LTO1: variants seen among roughly 807,000 people sequenced by gnomAD.
LTO1 encodes LTO1 maturation factor of ABCE1, also known as protein LTO1 homolog.
Under a neutral mutation model 19.8 loss-of-function variants are expected in LTO1, and 18 were observed. The ratio of observed to expected loss-of-function variants is 0.91; its 90% CI spans 0.63 to 1.35. The LOEUF is 1.35. Ranked by LOEUF, LTO1 falls within the 40% of genes most tolerant of loss-of-function variation. The pLI is 0.00. For synonymous variants in LTO1, 59 were observed against 59.6 expected (o/e 0.99, Z 0.05); for missense variants, 175 against 167.9 (o/e 1.04, Z -0.23).
chr11:69,672,053 G>A (rs1349006614), intron 2 of LTO1: 1 of 501,418 alleles, frequency 2.0e-6, no homozygotes. Context: ...GCCCTGTGCA[G>A]GTCCCTCGAC....
intron 1 of LTO1, among the ~76,000 whole-genome samples, chr11:69,674,334 C>T (rs1312997126): frequency 6.6e-6 from 1 of 152,202 alleles, no homozygotes; most frequent in Non-Finnish European, 1.5e-5. Flanking sequence ...CAGATCACCA[C>T]AAAATGTTCT....
chr11:69,667,400 A>C lies in LTO1; in HGVS notation c.*119T>G. On this transcript the variant is annotated 3_prime_UTR_variant, in exon 5 of 5. Coordinates refer to ENST00000279147, the MANE Select transcript of LTO1 (RefSeq NM_153451.3). ...GAAGCCCTCCCACGGCCGAACCGGA[A>C]CCCTCACCCTCCCAATGAACAACTG... is the stretch of plus-strand genomic sequence containing the variant. 29 of 714,910 alleles carry C rather than the reference A, an allele frequency of 4.1e-5. No homozygotes were observed. Among genetic ancestry groups the C allele is most frequent in the Non-Finnish European group, 4.3e-5 (17 of 399,832 alleles). The allele number at this position is 714,910 out of a possible 1,614,324, so 44.3% of individuals were successfully genotyped here.
intron 2 of LTO1, chr11:69,673,004 G>A: frequency 1.7e-6 from 1 of 601,792 alleles, no homozygotes; most frequent in South Asian, 1.6e-5. Context: ...GTTTCACCAT[G>A]TTGGTCAGGC....
At position 69,667,255 on chromosome 11, in the gene LTO1, G is replaced by A. The variant is rs1033595536; in HGVS notation, c.*264C>T. ...AACCAGCTAGGCCTGTGCTGCCGGAGAGGCTGTCAAGTCAATGCACGAGGG... is the reference window on the plus strand; with the variant it reads ...AACCAGCTAGGCCTGTGCTGCCGGAAAGGCTGTCAAGTCAATGCACGAGGG... On this transcript the variant is annotated 3_prime_UTR_variant, in exon 5 of 5. Coordinates refer to ENST00000279147, the MANE Select transcript of LTO1 (RefSeq NM_153451.3). The A allele has an allele frequency of 7.8e-6, 4 of 512,812 alleles. No individual in the cohort carries two copies. Among genetic ancestry groups the A allele is most frequent in the Non-Finnish European group, 1.4e-5 (4 of 290,912 alleles). The allele number at this position is 512,812 out of a possible 1,614,324, so 31.8% of individuals were successfully genotyped here. A position where few individuals can be genotyped will look rare whatever the true frequency, so the allele number is the denominator to read the frequency against.
intron 3 of LTO1, 131 bp downstream of exon 3, chr11:69,671,618 T>C: frequency 1.5e-6 from 1 of 681,420 alleles, no homozygotes; most frequent in Non-Finnish European, 2.7e-6. Flanking sequence ...ACACTCAAGC[T>C]TGACACTGAT....
chr11:69,669,102 C>T (rs115947422), intron 3 of LTO1, among the ~76,000 whole-genome samples: 2,114 of 151,480 alleles, frequency 0.014, 48 homozygotes, highest in African/African-American at 0.048. Context: ...ATGTTAGTCT[C>T]TTGGTCTCTT....
intron 3 of LTO1, chr11:69,671,240 T>C (rs1185111867): frequency 6.5e-6 from 1 of 154,448 alleles, no homozygotes; most frequent in East Asian, 1.9e-4. Context: ...AAATGACAGC[T>C]AACACTTACT....
In LTO1 at chr11:69,666,376, T is replaced by C. The variant is rs1215799973; in HGVS notation, c.*1143A>G. ...GACATGCTTTCTGGAACAGGAGGGG[T>C]GTGGAGAGCCAGCGTGTGGGGACTT... On this transcript the variant is annotated 3_prime_UTR_variant, in exon 5 of 5. Transcript: ENST00000279147. 1 of 152,046 alleles carries C rather than the reference T, an allele frequency of 6.6e-6. No individual in the cohort carries two copies. Among genetic ancestry groups the C allele is most frequent in the Non-Finnish European group, 1.5e-5 (1 of 68,012 alleles). The allele number at this position is 152,046 out of a possible 1,614,324, so 9.4% of individuals were successfully genotyped here. A position where few individuals can be genotyped will look rare whatever the true frequency, so the allele number is the denominator to read the frequency against.
intron 1 of LTO1, 128 bp downstream of exon 1, chr11:69,675,062 C>T (rs1281181653): frequency 1.2e-6 from 1 of 804,156 alleles, no homozygotes; most frequent in Admixed American, 2.2e-5. Context: ...CCACGGCCAC[C>T]AGGCGCTCCC....
chr11:69,668,080 T>C, intron 3 of LTO1, 68 bp from the exon 4 acceptor site: 1 of 776,462 alleles, frequency 1.3e-6, no homozygotes, highest in Non-Finnish European at 2.3e-6. Context: ...ACAACAGCTA[T>C]GCTGCTGGCT....
chr11:69,671,561 A>T, intron 3 of LTO1, 188 bp downstream of exon 3: 1 of 562,360 alleles, frequency 1.8e-6, no homozygotes, highest in South Asian at 2.1e-5. Flanking sequence ...AACACCTAAA[A>T]TGTGCCTGGC....
intron 2 of LTO1, chr11:69,672,983 G>T: frequency 3.8e-6 from 2 of 526,454 alleles, no homozygotes; most frequent in Non-Finnish European, 7.2e-6. Context: ...AGTATTTTTA[G>T]TAGAGACAGG....
intron 3 of LTO1, among the ~76,000 whole-genome samples, chr11:69,671,146 G>A (rs1481485452): frequency 6.6e-6 from 1 of 152,078 alleles, no homozygotes; most frequent in African/African-American, 2.4e-5. Flanking sequence ...TGATCTGCCC[G>A]CCTCGGCCTC....
chr11:69,673,374 C>G (rs1374757905), intron 1 of LTO1, 53 bp from the exon 2 acceptor site: 2 of 1,233,116 alleles, frequency 1.6e-6, no homozygotes, highest in East Asian at 2.3e-5. Context: ...AATACTTTCT[C>G]CAGAAAAACT....
chr11:69,673,926 G>A (rs1386834102), intron 1 of LTO1, among the ~76,000 whole-genome samples: 4 of 151,870 alleles, frequency 2.6e-5, no homozygotes, highest in Non-Finnish European at 4.4e-5. Context: ...GTGCGATCTC[G>A]GCTCACTGCA....
In LTO1 at chr11:69,672,060, C is replaced by T. The variant is rs575104313; in HGVS notation, c.157-241G>A. 5.2e-5 allele frequency: 25 copies of T among 481,844 alleles called. No homozygotes were observed. In the East Asian group the frequency reaches 5.8e-4, roughly 11 times the overall value. 29.8% of individuals were successfully genotyped at this position (481,844 alleles called of 1,614,324 possible). ...GTACCCATGCCCTGTGCAGGTCCCTCGACACTCCACCAGGGTGGCTTTCGT... is the reference window on the plus strand; with the variant it reads ...GTACCCATGCCCTGTGCAGGTCCCTTGACACTCCACCAGGGTGGCTTTCGT... On this transcript the variant is annotated intron_variant, in intron 2 of 4. Transcript: ENST00000279147.
intron 1 of LTO1, 50 bp downstream of exon 1, chr11:69,675,140 C>T: frequency 6.4e-7 from 1 of 1,561,836 alleles, no homozygotes; most frequent in Admixed American, 1.7e-5. Flanking sequence ...GGCGAAGCCG[C>T]TGGGAGACGA....
chr11:69,670,876 G>A (rs538460406), intron 3 of LTO1, among the ~76,000 whole-genome samples: 3 of 152,284 alleles, frequency 2.0e-5, no homozygotes, highest in Non-Finnish European at 4.4e-5. Context: ...GCTTCAGTAA[G>A]TACAATGCAG....
In LTO1 at chr11:69,675,216, G is replaced by A. The variant is rs754820690; in HGVS notation, c.24C>T (p.Phe8=). The A allele has an allele frequency of 1.3e-6, 2 of 1,542,858 alleles. No homozygotes were observed. The highest frequency in any genetic ancestry group is 1.8e-4 in the Middle Eastern group (1 of 5,712). Residue 8 remains phenylalanine (F), a synonymous_variant, in exon 1 of 5, where the codon TTC becomes TTT. Coordinates refer to ENST00000279147, the MANE Select transcript of LTO1 (RefSeq NM_153451.3). Reference sequence around the variant, plus strand: ...TCTCATCCGCCATCACGATGGCATCGAATATGTCCTGACTGCCAGCCATAG... The same window carrying A: ...TCTCATCCGCCATCACGATGGCATCAAATATGTCCTGACTGCCAGCCATAG... The part of the protein sequence containing the change: MAGSQDI[F]DAIVMADERF...
Sources: gnomAD v4.1 joint callset for allele counts (sites outside exome capture counted in the v4.1 genomes callset) on GRCh38, gnomAD v4.1.1 for gene constraint, MANE v1.5 for transcripts, NCBI Gene and HGNC (gene_info 2026-07-23, HGNC 2026-07-21) for gene names.